The following TOPORS variants were observed in gnomAD, a reference collection of about 807,000 sequenced individuals.
TOPORS encodes the protein E3 ubiquitin-protein ligase Topors.
Under a neutral mutation model 81.4 loss-of-function variants are expected in TOPORS, and 25 were observed. That is an observed-to-expected ratio of 0.31 (90% confidence interval 0.22 to 0.43). TOPORS has a LOEUF of 0.43. Ranked by LOEUF, TOPORS falls within the 20% of genes least tolerant of loss-of-function variation. The pLI, the probability that TOPORS is intolerant of heterozygous loss-of-function variation, is 1.00. For missense variants in TOPORS, 1,101 were observed against 1,267.0 expected, an observed-to-expected ratio of 0.87 and a Z score of 1.99; for synonymous variants, 473 against 456.6, an observed-to-expected ratio of 1.04 and a Z score of -0.46.
In TOPORS at chr9:32,543,611, G is replaced by T. The variant is rs374964544; in HGVS notation, c.914C>A (p.Thr305Lys). 1 of 1,611,374 alleles carries T rather than the reference G, an allele frequency of 6.2e-7. No homozygotes were observed. Among genetic ancestry groups the T allele is most frequent in the African/African-American group, 1.3e-5 (1 of 74,772 alleles). Reference protein sequence around the residue: ...RLVPWLKRELTVLFGAHGSLV... With the variant: ...RLVPWLKRELKVLFGAHGSLV... ...AGATCCATGAGCTCCAAAAAGAACTGTAAGTTCACGTTTTAACCAGGGGAC... is the reference window on the plus strand; with the variant it reads ...AGATCCATGAGCTCCAAAAAGAACTTTAAGTTCACGTTTTAACCAGGGGAC... The change falls in exon 3 of 3, where the codon ACA becomes AAA. Residue 305 changes from threonine (T) to lysine (K), a missense_variant. Thr to Lys is a moderately conservative substitution (Grantham distance 78, BLOSUM62 -1). Around this residue, in one of 9 missense-constraint regions of TOPORS, gnomAD observed 69 missense variants for 153.6 expected, o/e 0.45. Coordinates refer to ENST00000360538, the MANE Select transcript of TOPORS (RefSeq NM_005802.5). This position sits in a 1 kb window ranked among gnomAD's most constrained non-coding sequence, Gnocchi z 5.6.
intron 2 of TOPORS, among the ~76,000 whole-genome samples, chr9:32,544,572 G>A (rs1028516278): frequency 1.3e-5 from 2 of 152,174 alleles, no homozygotes; most frequent in Admixed American, 1.3e-4. Flanking sequence ...CTATGTGCCA[G>A]TTAGTATCTC....
chr9:32,549,879 T>C (rs2118978518), intron 2 of TOPORS, among the ~76,000 whole-genome samples: 1 of 152,248 alleles, frequency 6.6e-6, no homozygotes, highest in South Asian at 2.1e-4. Flanking sequence ...GATACAAAAG[T>C]CACAGGATCT....
At position 32,541,271 on chromosome 9, in the gene TOPORS, T is replaced by C; in HGVS notation, c.*116A>G. 3 of 1,036,088 alleles carry C rather than the reference T, an allele frequency of 2.9e-6. No homozygotes were observed. Among genetic ancestry groups the C allele is most frequent in the Non-Finnish European group, 4.2e-6 (3 of 708,734 alleles). 64.2% of individuals were successfully genotyped at this position (1,036,088 alleles called of 1,614,324 possible). A position where few individuals can be genotyped will look rare whatever the true frequency, so the allele number is the denominator to read the frequency against. On this transcript the variant is annotated 3_prime_UTR_variant, in exon 3 of 3. Transcript: ENST00000360538. ...CCAAAAAAAAAATCATTTAAAATAT[T>C]GTAAGGAGGAAGAGAGTTTTCACCA...
chr9:32,543,039 C>G lies in TOPORS; in HGVS notation c.1486G>C (p.Glu496Gln), dbSNP rs1166024557. ...AAGTCCTCAGAATCAGAGGACAGTT[C>G]AACAAGTTCTGGGGTCCTCTCAGCT... ...PLAERTPELV[E>Q]LSSDSEDLGS... Residue 496 changes from glutamate to glutamine, a missense_variant, in exon 3 of 3, where the codon GAA becomes CAA. By Grantham distance (29) the Glu-to-Gln change is conservative. Coordinates refer to ENST00000360538, the MANE Select transcript of TOPORS (RefSeq NM_005802.5). The surrounding 1 kb of genome is among the most constrained non-coding windows in gnomAD (Gnocchi z 5.6). 3.7e-6 allele frequency: 6 copies of G among 1,614,148 alleles called. No individual in the cohort carries two copies. In the Admixed American group the frequency reaches 5.0e-5, roughly 13 times the overall value.
rs780866628 is a variant in TOPORS, at chr9:32,543,160, C to T, written c.1365G>A (p.Thr455=). The part of the protein sequence containing the change: ...SDEELVTGGA[T]SQIQGVQTND... ...TGGTTTGTACTCCTTGTATCTGAGA[C>T]GTGGCTCCTCCTGTGACAAGTTCTT... Residue 455 remains threonine (T), a synonymous_variant, in exon 3 of 3, where the codon ACG becomes ACA. Coordinates refer to ENST00000360538, the MANE Select transcript of TOPORS (RefSeq NM_005802.5). The surrounding 1 kb of genome is among the most constrained non-coding windows in gnomAD (Gnocchi z 5.6). The T allele has an allele frequency of 8.7e-6, 14 of 1,613,898 alleles. No homozygotes were observed. The highest frequency in any genetic ancestry group is 3.3e-5 in the Admixed American group (2 of 60,006).
chr9:32,549,855 C>T (rs979016533), intron 2 of TOPORS, among the ~76,000 whole-genome samples: 3 of 152,156 alleles, frequency 2.0e-5, no homozygotes, highest in African/African-American at 7.2e-5. Context: ...TGCATTTAAT[C>T]AACTCCAAAA....
At chr9:32,550,400 ATT>A (rs1821214177) in intron 2 of TOPORS, among the ~76,000 whole-genome samples, 1 of 152,206 alleles carries the variant, frequency 6.6e-6, no homozygotes, top group African/African-American at 2.4e-5. Context: ...GAACTTAAAT[ATT>A]GTTATTCCCA....
intron 2 of TOPORS, among the ~76,000 whole-genome samples, chr9:32,548,321 C>T (rs746524339): frequency 3.6e-4 from 55 of 150,862 alleles, no homozygotes; most frequent in Non-Finnish European, 6.7e-4. Flanking sequence ...GTCGGGAGTT[C>T]GAGACCAGCC....
intron 2 of TOPORS, among the ~76,000 whole-genome samples, chr9:32,547,854 CAG>C (rs1384228835): frequency 1.3e-5 from 2 of 151,980 alleles, no homozygotes; most frequent in Admixed American, 6.6e-5. Flanking sequence ...TTTTTTGAGA[CAG>C]AGTCTTGCTG....
In TOPORS at chr9:32,542,245, C is replaced by T. The variant is rs1821076541; in HGVS notation, c.2280G>A (p.Lys760=). The T allele has an allele frequency of 6.2e-7, 1 of 1,613,848 alleles. No individual in the cohort carries two copies. Among genetic ancestry groups the T allele is most frequent in the Non-Finnish European group, 8.5e-7 (1 of 1,180,012 alleles). ...ARKKNNHSER[K]YYYYERHRSR... is the part of the protein sequence containing the mutation. ...ATCTGTGCCTTTCATAGTAGTAATA[C>T]TTCCTCTCACTGTGATTATTTTTTT... Residue 760 remains lysine, a synonymous_variant, in exon 3 of 3, where the codon AAG becomes AAA. Transcript: ENST00000360538.
intron 1 of TOPORS, chr9:32,551,772 A>G (rs1391682222): frequency 2.2e-6 from 1 of 451,578 alleles, no homozygotes; most frequent in Non-Finnish European, 4.5e-6. Flanking sequence ...GACACGCTCA[A>G]CAAACACTTG....
At chr9:32,546,557 T>C (rs906691001) in intron 2 of TOPORS, among the ~76,000 whole-genome samples, 2 of 152,248 alleles carry the variant, frequency 1.3e-5, no homozygotes, top group Non-Finnish European at 2.9e-5. Context: ...TAATACATTT[T>C]ATCTTCACTT....
chr9:32,550,190 C>G (rs1821208778), intron 2 of TOPORS, among the ~76,000 whole-genome samples: 1 of 152,182 alleles, frequency 6.6e-6, no homozygotes, highest in South Asian at 2.1e-4. Flanking sequence ...AGCACTGCCC[C>G]CTTCCAGCCT....
At chr9:32,550,288 C>G (rs1821211317) in intron 2 of TOPORS, among the ~76,000 whole-genome samples, 1 of 152,208 alleles carries the variant, frequency 6.6e-6, no homozygotes, top group African/African-American at 2.4e-5. Flanking sequence ...TAACACAACA[C>G]AGACAAGTCC....
In TOPORS at chr9:32,542,967, G is replaced by C. The variant is rs575403671; in HGVS notation, c.1558C>G (p.Gln520Glu). Residue 520 changes from glutamine (Q) to glutamate (E), a missense_variant, in exon 3 of 3, where the codon CAA (glutamine) becomes GAA (glutamate). Transcript: ENST00000360538. The stretch of plus-strand genomic sequence containing the variant: ...TCGCTATCACCAGAACTGTAAGATT[G>C]CTCCTGTTCTTGTGTCTTCACTGTC... The part of the protein sequence containing the change: ...METVKTQEQE[Q>E]SYSSGDSDVS... The C allele has an allele frequency of 6.2e-7, 1 of 1,614,156 alleles. No homozygotes were observed. The highest frequency in any genetic ancestry group is 1.7e-5 in the Admixed American group (1 of 60,020).
chr9:32,541,579 TAC>T lies in TOPORS; in HGVS notation c.2944_2945del (p.Val982ArgfsTer2), dbSNP rs1240203071. 6 of 1,614,236 alleles carry T rather than the reference TAC, an allele frequency of 3.7e-6. No individual in the cohort carries two copies. Among genetic ancestry groups the T allele is most frequent in the South Asian group, 3.3e-5 (3 of 91,084 alleles). Reference protein sequence around the residue: ...SNNLNNANKTVDNIPPLAASV... With the variant: ...SNNLNNANKTXDNIPPLAASV... ...AAGCTGCCAGAGGTGGAATATTATC[TAC>T]AGTTTTGTTGGCATTATTCAAGTTG... On this transcript the variant is annotated frameshift_variant, in exon 3 of 3. Coordinates refer to ENST00000360538, the MANE Select transcript of TOPORS (RefSeq NM_005802.5). LOFTEE classifies it high-confidence loss of function.
rs866455605 is a variant in TOPORS, at chr9:32,550,785, C to T, written c.187G>A (p.Ala63Thr). Residue 63 changes from alanine (A) to threonine (T), a missense_variant, in exon 2 of 3, where the codon GCA (alanine) becomes ACA (threonine). Physicochemically the swap from Ala to Thr is moderately conservative, Grantham distance 58 (BLOSUM62 0). Transcript: ENST00000360538. ...AASAPARPAP[A>T]SSEIMASAAK... ...CGAATCTCACTCACCTCGGAGGATG[C>T]CGGCGCAGGCCTGGCTGGGGCGCTC... The T allele has an allele frequency of 6.2e-7, 1 of 1,612,862 alleles. No homozygotes were observed. The highest frequency in any genetic ancestry group is 1.1e-5 in the South Asian group (1 of 91,056).
At chr9:32,548,195 A>AT (rs1782833791) in intron 2 of TOPORS, among the ~76,000 whole-genome samples, 1 of 151,342 alleles carries the variant, frequency 6.6e-6, no homozygotes, top group Admixed American at 6.6e-5. Flanking sequence ...AAATTAAGGC[A>AT]TAAAAACTGG....
At position 32,541,537 on chromosome 9, in the gene TOPORS, G is replaced by A. The variant is rs3814518; in HGVS notation, c.2988C>T (p.Leu996=). The part of the protein sequence containing the change: ...PPLAASVEQT[L]DVREESTFVS... ...CAAAGGTGCTCTCTTCTCTTACATC[G>A]AGAGTTTGTTCAACTGAAGCTGCCA... Residue 996 remains leucine, a synonymous_variant, in exon 3 of 3, where the codon CTC becomes CTT. Coordinates refer to ENST00000360538, the MANE Select transcript of TOPORS (RefSeq NM_005802.5). The A allele has an allele frequency of 9.5e-4, 1,532 of 1,614,128 alleles. 33 individuals are homozygous for A. The East Asian group carries it at 0.03, about 32-fold the overall frequency.
Sources: allele counts gnomAD v4.1 joint callset (sites outside exome capture counted in the v4.1 genomes callset), GRCh38; gene constraint gnomAD v4.1.1; regional missense constraint gnomAD v4.1.1; non-coding constraint Gnocchi (gnomAD v3.1); transcripts MANE v1.5; gene names NCBI Gene and HGNC (gene_info 2026-07-23, HGNC 2026-07-21).